Variants in SLIT1 observed in about 807,000 individuals in gnomAD.
The protein encoded by SLIT1 is slit guidance ligand 1, also known as slit homolog 1 protein.
SLIT1 carries 66 observed loss-of-function variants against 186.1 expected under a neutral mutation model. The ratio of observed to expected loss-of-function variants is 0.35; its 90% CI spans 0.29 to 0.44. The LOEUF is 0.44. Among genes scored for constraint, SLIT1 ranks in the 20% least tolerant of loss-of-function variants. The pLI, the probability that SLIT1 is intolerant of heterozygous loss-of-function variation, is 1.00. For synonymous variants in SLIT1, 761 were observed against 833.8 expected (o/e 0.91, Z 1.50); for missense variants, 1,638 against 2,037.4 (o/e 0.80, Z 3.77).
At chr10:97,054,758 C>T (rs759947226) in intron 13 of SLIT1, among the ~76,000 whole-genome samples, 5 of 152,144 alleles carry the variant, frequency 3.3e-5, no homozygotes, top group Non-Finnish European at 7.4e-5. Context: ...CTAGACCCTA[C>T]AGAACCAATG....
In SLIT1 at chr10:97,043,275, C is replaced by A; in HGVS notation, c.1997+95G>T. 6.7e-7 allele frequency: 1 copy of A among 1,503,312 alleles called. No homozygotes were observed. The highest frequency in any genetic ancestry group is 9.1e-7 in the Non-Finnish European group (1 of 1,093,760). The allele number at this position is 1,503,312 out of a possible 1,614,324, so 93.1% of individuals were successfully genotyped here. ...GTTTCAGCAAACCACGAAGACCCAG[C>A]ACCCCCAGGGTGAGCTCTTTCAAAG... On this transcript the variant is annotated intron_variant, in intron 19 of 36. Coordinates refer to ENST00000266058, the MANE Select transcript of SLIT1 (RefSeq NM_003061.3). The surrounding 1 kb of genome is among the most constrained non-coding windows in gnomAD (Gnocchi z 7.0).
chr10:97,039,063 C>T (rs1274828157), intron 21 of SLIT1, among the ~76,000 whole-genome samples: 2 of 152,062 alleles, frequency 1.3e-5, no homozygotes, highest in Non-Finnish European at 2.9e-5. Flanking sequence ...CAGGCCAGGC[C>T]CAGGAAAAGG....
In SLIT1 at chr10:97,002,363, G is replaced by A. The variant is rs774927995; in HGVS notation, c.4161C>T (p.Val1387=). 5.6e-6 allele frequency: 9 copies of A among 1,600,476 alleles called. No individual in the cohort carries two copies. In the South Asian group the frequency reaches 9.9e-5, roughly 18 times the overall value. ...CGTCGAGGGGCACGCATTGCCCATG[G>A]ACACACCTGGAGGAGACAGAGAAAA... ...ADGPCHGHKC[V]HGQCVPLDAL... is the part of the protein sequence containing the mutation. The change falls in exon 36 of 37, where the codon GTC becomes GTT. Residue 1387 remains valine, a synonymous_variant. Transcript: ENST00000266058.
At chr10:97,178,790 AGTGTGT>A (rs57432718) in intron 1 of SLIT1, among the ~76,000 whole-genome samples, 108,219 of 150,584 alleles carry the variant, frequency 0.72, 39,901 homozygotes, top group Non-Finnish European at 0.81. Flanking sequence ...AGAGAGAGAA[AGTGTGT>A]GTGTGTGTGT....
intron 4 of SLIT1, among the ~76,000 whole-genome samples, chr10:97,084,614 C>A (rs1448370865): frequency 6.6e-6 from 1 of 150,928 alleles, no homozygotes; most frequent in Non-Finnish European, 1.5e-5. Flanking sequence ...CTTTTCTTTT[C>A]TTTTCTTGTG....
At chr10:97,177,180 A>G (rs1184002211) in intron 1 of SLIT1, among the ~76,000 whole-genome samples, 2 of 151,926 alleles carry the variant, frequency 1.3e-5, no homozygotes, top group African/African-American at 2.4e-5. Context: ...AGGTCCCCCC[A>G]TCTCTCTCTC....
At chr10:97,133,707 G>A (rs1168476210) in intron 4 of SLIT1, among the ~76,000 whole-genome samples, 1 of 151,742 alleles carries the variant, frequency 6.6e-6, no homozygotes, top group African/African-American at 2.4e-5. Context: ...GTGAAACGAG[G>A]ACTATTTTGC....
At position 97,022,443 on chromosome 10, in the gene SLIT1, A is replaced by C; in HGVS notation, c.2583-1030T>G. ...GTTGCACACTTTTTAAAAAATGCTT[A>C]ATTTGGTATTATGTGAATTTCACCT... On this transcript the variant is annotated intron_variant, in intron 25 of 36. Transcript: ENST00000266058. This position sits in a 1 kb window ranked among gnomAD's most constrained non-coding sequence, Gnocchi z 4.2. Among the ~76,000 whole-genome samples the C allele has an allele frequency of 6.6e-6, 1 of 152,202 alleles. No homozygotes were observed. The highest frequency in any genetic ancestry group is 1.9e-4 in the East Asian group (1 of 5,200).
chr10:97,184,220 G>A lies in SLIT1; in HGVS notation c.197+1258C>T, dbSNP rs777175324. On this transcript the variant is annotated intron_variant, in intron 1 of 36. Transcript: ENST00000266058. The surrounding 1 kb of genome is among the most constrained non-coding windows in gnomAD (Gnocchi z 4.4). ...CAGCTCTCCTCAGGGTCAGATTTCT[G>A]TCTCTGACCAGCTGGGGGCCATGAA... Among the ~76,000 whole-genome samples the A allele has an allele frequency of 3.9e-5, 6 of 152,124 alleles. No individual in the cohort carries two copies. The highest frequency in any genetic ancestry group is 8.8e-5 in the Non-Finnish European group (6 of 68,022).
chr10:97,180,756 ACAGACAGACTGCGCTCTAAG>A (rs1278479774), intron 1 of SLIT1, among the ~76,000 whole-genome samples: 2 of 152,212 alleles, frequency 1.3e-5, no homozygotes, highest in Non-Finnish European at 2.9e-5. Context: ...AGCGCTCTAA[ACAGACAGACTGCGCTCTAAG>A]CAGACAGACT....
chr10:97,055,397 G>A (rs966140834), intron 13 of SLIT1, among the ~76,000 whole-genome samples: 25 of 151,966 alleles, frequency 1.6e-4, no homozygotes, highest in Non-Finnish European at 3.4e-4. Flanking sequence ...GGGTCTCTCC[G>A]TTGCCCAGGT....
At chr10:97,011,513 C>T (rs939808580) in intron 30 of SLIT1, among the ~76,000 whole-genome samples, 1 of 152,134 alleles carries the variant, frequency 6.6e-6, no homozygotes, top group African/African-American at 2.4e-5. Flanking sequence ...TCCCTGTTCT[C>T]CCAGGACCCA....
chr10:97,185,769 C>T lies in SLIT1; in HGVS notation c.-95G>A. 1 of 1,135,412 alleles carries T rather than the reference C, an allele frequency of 8.8e-7. No individual in the cohort carries two copies. The highest frequency in any genetic ancestry group is 1.2e-6 in the Non-Finnish European group (1 of 855,374). 70.3% of individuals were successfully genotyped at this position (1,135,412 alleles called of 1,614,324 possible). A position where few individuals can be genotyped will look rare whatever the true frequency, so the allele number is the denominator to read the frequency against. ...CTCCAGGTGCAGTCCCGGGGCAGAG[C>T]CACCGAAGAGCCCGCGGGCTTGCGC... On this transcript the variant is annotated 5_prime_UTR_variant, in exon 1 of 37. Transcript: ENST00000266058.
chr10:97,106,180 T>C (rs1426372120), intron 4 of SLIT1, among the ~76,000 whole-genome samples: 1 of 152,192 alleles, frequency 6.6e-6, no homozygotes, highest in Non-Finnish European at 1.5e-5. Flanking sequence ...CCATGGAGTC[T>C]AGTTCCAGAT....
At chr10:97,147,677 C>T (rs1849833583) in intron 4 of SLIT1, among the ~76,000 whole-genome samples, 2 of 152,110 alleles carry the variant, frequency 1.3e-5, no homozygotes, top group Non-Finnish European at 2.9e-5. Flanking sequence ...GAGGCTCACT[C>T]TCCACTAAGT....
chr10:97,043,556 T>C lies in SLIT1; in HGVS notation c.1854-43A>G. The C allele has an allele frequency of 6.3e-7, 1 of 1,585,824 alleles. No homozygotes were observed. Among genetic ancestry groups the C allele is most frequent in the Non-Finnish European group, 8.6e-7 (1 of 1,160,626 alleles). On this transcript the variant is annotated intron_variant, in intron 18 of 36. Coordinates refer to ENST00000266058, the MANE Select transcript of SLIT1 (RefSeq NM_003061.3). This position sits in a 1 kb window ranked among gnomAD's most constrained non-coding sequence, Gnocchi z 7.0. Reference sequence around the variant, plus strand: ...AGGGAGGAGGGGACCCTTGCTGCCCTGCCAGCCATCCACCTGGGCCACGCA... The same window carrying C: ...AGGGAGGAGGGGACCCTTGCTGCCCCGCCAGCCATCCACCTGGGCCACGCA...
intron 25 of SLIT1, among the ~76,000 whole-genome samples, chr10:97,029,310 A>C (rs1228781235): frequency 2.0e-5 from 3 of 152,220 alleles, no homozygotes; most frequent in African/African-American, 7.2e-5. Flanking sequence ...TCTTAGAGAA[A>C]ATCTAGCGAG....
rs116159132 is a variant in SLIT1 at position 97,074,004 on chromosome 10, C to T, written c.414-7918G>A. On this transcript the variant is annotated intron_variant, in intron 4 of 36. Transcript: ENST00000266058. ...CCCAGGAAACGCTATTTATCCTTCA[C>T]ACCTCAGTCTACAAACACCTCCCCT... 1.4e-3 allele frequency among the ~76,000 whole-genome samples: 214 copies of T among 152,246 alleles called. 1 individual carries two copies. The highest frequency in any genetic ancestry group is 5.0e-3 in the African/African-American group (207 of 41,552).
chr10:97,170,634 C>T (rs1394860730), intron 1 of SLIT1, among the ~76,000 whole-genome samples: 1 of 152,230 alleles, frequency 6.6e-6, no homozygotes, highest in Non-Finnish European at 1.5e-5. Flanking sequence ...ACCTATCCTT[C>T]TCCCCAAGGA....
Sources: gnomAD v4.1 joint callset for allele counts (sites outside exome capture counted in the v4.1 genomes callset) on GRCh38, gnomAD v4.1.1 for gene constraint, Gnocchi (gnomAD v3.1) non-coding constraint, MANE v1.5 for transcripts, NCBI Gene and HGNC (gene_info 2026-07-23, HGNC 2026-07-21) for gene names.